RFX8: variants seen among roughly 807,000 people sequenced by gnomAD.
RFX8 encodes the protein regulatory factor X8, also known as DNA-binding protein RFX8.
In RFX8, 46 loss-of-function variants were observed where a neutral mutation model predicts 54.6. The ratio of observed to expected loss-of-function variants is 0.84; its 90% CI spans 0.67 to 1.08. The LOEUF (loss-of-function observed/expected upper bound fraction) is 1.08. Among genes scored for constraint, RFX8 ranks in the 50% least tolerant of loss-of-function variants. The pLI is 0.00. For synonymous variants in RFX8, 192 were observed against 209.5 expected (o/e 0.92, Z 0.72); for missense variants, 536 against 562.3 (o/e 0.95, Z 0.47).
At chr2:101,447,352 C>A (rs1414898704) in intron 2 of RFX8, among the ~76,000 whole-genome samples, 1 of 152,188 alleles carries the variant, frequency 6.6e-6, no homozygotes, top group Non-Finnish European at 1.5e-5. Flanking sequence ...CTTGTTCCTG[C>A]AGCTGTAACA....
In RFX8 at chr2:101,417,682, T is replaced by C. The variant is rs1269116982; in HGVS notation, c.354A>G (p.Gly118=). ...FKCYDVQLYK[G]IEDVLLHDFL... is the part of the protein sequence containing the mutation. ...AGTCATGAAGGAGAACATCCTCAAT[T>C]CCCTACAACAAAAGTAACAAGACAC... Residue 118 remains glycine (G), a splice_region_variant and synonymous_variant, in exon 6 of 12, where the codon GGA becomes GGG. Transcript: ENST00000428343. The C allele has an allele frequency of 1.3e-6, 2 of 1,546,034 alleles. No homozygotes were observed. The highest frequency in any genetic ancestry group is 4.0e-5 in the Admixed American group (2 of 49,972).
At chr2:101,399,474 T>C (rs1685307331) in intron 11 of RFX8, among the ~76,000 whole-genome samples, 1 of 152,226 alleles carries the variant, frequency 6.6e-6, no homozygotes, top group African/African-American at 2.4e-5. Flanking sequence ...ATTCTGTAGT[T>C]CAATTAAGTA....
At chr2:101,465,632 A>G (rs1308680031) in intron 2 of RFX8, among the ~76,000 whole-genome samples, 1 of 152,132 alleles carries the variant, frequency 6.6e-6, no homozygotes, top group African/African-American at 2.4e-5. Flanking sequence ...TAACAGTATG[A>G]TAACAACAAC....
At chr2:101,469,713 C>T (rs963635981) in intron 1 of RFX8, among the ~76,000 whole-genome samples, 13 of 152,076 alleles carry the variant, frequency 8.5e-5, no homozygotes, top group South Asian at 2.1e-4. Context: ...CTGTGACAGA[C>T]GCTCATTTGT....
intron 1 of RFX8, among the ~76,000 whole-genome samples, chr2:101,471,596 G>A (rs534207042): frequency 6.6e-6 from 1 of 152,190 alleles, no homozygotes; most frequent in Non-Finnish European, 1.5e-5. Context: ...GAAACCAGGG[G>A]TCAGACCTGC....
intron 6 of RFX8, among the ~76,000 whole-genome samples, 180 bp from the exon 7 acceptor site, chr2:101,415,092 G>A (rs547378045): frequency 5.3e-5 from 8 of 152,140 alleles, no homozygotes; most frequent in African/African-American, 1.9e-4. Context: ...GGGGACGCTT[G>A]GCTGAAATGT....
intron 2 of RFX8, among the ~76,000 whole-genome samples, chr2:101,464,586 C>T (rs1476731025): frequency 6.6e-6 from 1 of 152,158 alleles, no homozygotes; most frequent in East Asian, 1.9e-4. Context: ...GTCACAAATT[C>T]AGCAGCACAG....
At position 101,441,261 on chromosome 2, in the gene RFX8, C is replaced by T. The variant is rs554115417; in HGVS notation, c.73-18789G>A. ...CTGGGATTACAGGCGTGAGCCACTG[C>T]GCCCAGCCCTTGTGTTGAAATTTAA... On this transcript the variant is annotated intron_variant, in intron 2 of 11. Coordinates refer to ENST00000428343, the MANE Select transcript of RFX8 (RefSeq NM_001145664.2). Among the ~76,000 whole-genome samples the T allele has an allele frequency of 1.6e-3, 249 of 152,202 alleles. 1 individual carries two copies. The highest frequency in any genetic ancestry group is 2.8e-3 in the Non-Finnish European group (189 of 68,042).
At chr2:101,417,112 G>A (rs1052405591) in intron 6 of RFX8, among the ~76,000 whole-genome samples, 1 of 152,212 alleles carries the variant, frequency 6.6e-6, no homozygotes, top group South Asian at 2.1e-4. Flanking sequence ...TGGGCCTTCC[G>A]GACTGTAGCT....
chr2:101,419,921 G>A (rs908730112), intron 4 of RFX8, among the ~76,000 whole-genome samples: 3 of 152,352 alleles, frequency 2.0e-5, no homozygotes, highest in African/African-American at 7.2e-5. Context: ...TCTGGGTGGA[G>A]CCACCACCAC....
chr2:101,472,688 C>A (rs138869010), intron 1 of RFX8, among the ~76,000 whole-genome samples: 202 of 152,178 alleles, frequency 1.3e-3, no homozygotes, highest in African/African-American at 4.7e-3. Context: ...AGCTGATGAG[C>A]CAAAACAAAC....
rs138481208 is a variant in RFX8, at chr2:101,456,896, T to G, written c.72+9881A>C. Among the ~76,000 whole-genome samples, 115 of 151,358 alleles carry G rather than the reference T, an allele frequency of 7.6e-4. No homozygotes were observed. The East Asian group carries it at 0.017, about 22-fold the overall frequency. On this transcript the variant is annotated intron_variant, in intron 2 of 11. Transcript: ENST00000428343. Reference sequence around the variant, plus strand: ...ATTATTGCCTCAATTTCAGAACCTATTATTCAGAGATTCAACTTCTTCCTG... The same window carrying G: ...ATTATTGCCTCAATTTCAGAACCTAGTATTCAGAGATTCAACTTCTTCCTG...
At chr2:101,414,791 A>C in intron 7 of RFX8, 63 bp downstream of exon 7, 31 of 1,268,554 alleles carry the variant, frequency 2.4e-5, no homozygotes, top group Non-Finnish European at 2.9e-5. Flanking sequence ...ACAGGGACTT[A>C]GAGCTTTCAC....
chr2:101,440,845 T>G (rs968484216), intron 2 of RFX8, among the ~76,000 whole-genome samples: 3 of 152,202 alleles, frequency 2.0e-5, no homozygotes, highest in Non-Finnish European at 4.4e-5. Flanking sequence ...AAGGGCAGTT[T>G]GATTGTTCAG....
rs752411476 is a variant in RFX8, at chr2:101,405,975, T to C, written c.896A>G (p.Lys299Arg). Residue 299 changes from lysine to arginine, a missense_variant, in exon 10 of 12, where the codon AAA (lysine) becomes AGA (arginine). Transcript: ENST00000428343. ...RWNLLLTAVS[K>R]AMTLCHRDSF... ...ATCTCTGTGGCAGAGGGTCATGGCT[T>C]TGCTTACAGCAGTGAGAAGAAGATT... 1 of 1,547,406 alleles carries C rather than the reference T, an allele frequency of 6.5e-7. No homozygotes were observed. The highest frequency in any genetic ancestry group is 1.2e-5 in the South Asian group (1 of 82,896).
intron 2 of RFX8, among the ~76,000 whole-genome samples, chr2:101,447,167 A>G (rs1439098885): frequency 1.3e-5 from 2 of 152,142 alleles, no homozygotes; most frequent in South Asian, 2.1e-4. Context: ...CCCTGCCTCT[A>G]AGAGGTCTCT....
chr2:101,402,787 T>C, intron 10 of RFX8, 35 bp from the exon 11 acceptor site: 1 of 1,499,410 alleles, frequency 6.7e-7, no homozygotes, highest in East Asian at 2.5e-5. Flanking sequence ...TGAATACATT[T>C]GATCGACAGA....
chr2:101,416,852 T>C (rs1418197288), intron 6 of RFX8, among the ~76,000 whole-genome samples: 3 of 152,024 alleles, frequency 2.0e-5, no homozygotes, highest in Admixed American at 1.3e-4. Context: ...AACAGATAAA[T>C]AGCCTGGTGG....
In RFX8 at chr2:101,412,998, T is replaced by A. The variant is rs758519979; in HGVS notation, c.635A>T (p.Gln212Leu). The change falls in exon 8 of 12, where the codon CAA becomes CTA. Residue 212 changes from glutamine to leucine, a missense_variant. Transcript: ENST00000428343. ...TTTCTTAGAAGTAGCCAAAGTGCCT[T>A]GATTGATGATGGCCTGTAGATCTGA... Reference protein sequence around the residue: ...LKSDLQAIINQGTLATSKKAL... With the variant: ...LKSDLQAIINLGTLATSKKAL... 2.0e-5 allele frequency: 31 copies of A among 1,552,052 alleles called. No individual in the cohort carries two copies. In the East Asian group the frequency reaches 6.1e-4, roughly 31 times the overall value.
Sources: gnomAD v4.1 joint callset for allele counts (sites outside exome capture counted in the v4.1 genomes callset) on GRCh38, gnomAD v4.1.1 for gene constraint, MANE v1.5 for transcripts, NCBI Gene and HGNC (gene_info 2026-07-23, HGNC 2026-07-21) for gene names.